The following ZNF532 variants were observed in gnomAD, a reference collection of about 807,000 sequenced individuals.
ZNF532 encodes zinc finger protein 532.
In ZNF532, 22 loss-of-function variants were observed where a neutral mutation model predicts 89.3. The observed-to-expected ratio is 0.25, with a 90% CI of 0.18 to 0.35. The LOEUF (loss-of-function observed/expected upper bound fraction) is 0.35, where lower values mean the gene tolerates loss of function less well. ZNF532 is among the 10% of genes least tolerant of loss of function. ZNF532 has a pLI of 1.00. For missense variants in ZNF532, 1,132 were observed against 1,643.4 expected (o/e 0.69, Z 5.38); for synonymous variants, 606 against 649.6 (o/e 0.93, Z 1.02).
chr18:58,953,823 C>T, intron 7 of ZNF532, 24 bp downstream of exon 7: 1 of 1,602,858 alleles, frequency 6.2e-7, no homozygotes, highest in Non-Finnish European at 8.5e-7. Context: ...GAAAGCTGCT[C>T]TGGGTGAGTG....
intron 7 of ZNF532, among the ~76,000 whole-genome samples, chr18:58,961,193 C>T (rs1440596140): frequency 6.6e-6 from 1 of 152,170 alleles, no homozygotes; most frequent in Non-Finnish European, 1.5e-5. Flanking sequence ...GGATGGAACC[C>T]GATCATTTGC....
In ZNF532 at chr18:58,919,040, C is replaced by G. The variant is rs2060820396; in HGVS notation, c.753C>G (p.Thr251=). The change falls in exon 3 of 10, where the codon ACC becomes ACG. Residue 251 remains threonine, a synonymous_variant. Transcript: ENST00000591808. This position sits in a 1 kb window ranked among gnomAD's most constrained non-coding sequence, Gnocchi z 6.1. ...AGCTGAGCTCCGAGAAGAATGACAC[C>G]AGCCTCCCCAGCGTTGCGCCATCAA... ...DGKLSSEKND[T]SLPSVAPSKT... is the part of the protein sequence containing the mutation. 2 of 1,613,904 alleles carry G rather than the reference C, an allele frequency of 1.2e-6. No individual in the cohort carries two copies. Among genetic ancestry groups the G allele is most frequent in the South Asian group, 2.2e-5 (2 of 91,078 alleles).
Position 58,918,984 on chromosome 18 carries a change from A to G in ZNF532, c.697A>G (p.Lys233Glu). Residue 233 changes from lysine (K) to glutamate (E), a missense_variant, in exon 3 of 10, where the codon AAG (lysine) becomes GAG (glutamate). Physicochemically the swap from Lys to Glu is moderately conservative, Grantham distance 56. Coordinates refer to ENST00000591808, the MANE Select transcript of ZNF532 (RefSeq NM_001375912.1). ...AEDKLKESSD[K>E]VLENRVLDGK... ...GGATAAATTGAAGGAAAGCTCTGAC[A>G]AGGTGCTGGAAAACAGAGTCCTAGA... 4 of 1,613,542 alleles carry G rather than the reference A, an allele frequency of 2.5e-6. No homozygotes were observed. The highest frequency in any genetic ancestry group is 3.4e-6 in the Non-Finnish European group (4 of 1,180,026).
In ZNF532 at chr18:58,889,575, G is replaced by A. The variant is rs56864731; in HGVS notation, c.-18+23996G>A. ...AGCACTTTGGGAGGCTGAGACAGGC[G>A]GATCACTTGATGTCAGGAGTTTGAG... On this transcript the variant is annotated intron_variant, in intron 2 of 9. Transcript: ENST00000591808. Among the ~76,000 whole-genome samples the A allele has an allele frequency of 2.5e-3, 364 of 148,224 alleles. 1 individual carries two copies. The highest frequency in any genetic ancestry group is 8.7e-3 in the African/African-American group (348 of 40,132).
In ZNF532 at chr18:58,964,539, G is replaced by GTGTGTGTGTGTGTT. The variant is rs1312460477; in HGVS notation, c.3150+10753_3150+10754insTTGTGTGTGTGTGT. 2.6e-4 allele frequency among the ~76,000 whole-genome samples: 20 copies of GTGTGTGTGTGTGTT among 78,096 alleles called. No individual in the cohort carries two copies. In the African/African-American group the frequency reaches 3.0e-3, roughly 12 times the overall value. 51.2% of individuals were successfully genotyped at this position (78,096 alleles called of 152,430 possible). On this transcript the variant is annotated intron_variant, in intron 7 of 9. Coordinates refer to ENST00000591808, the MANE Select transcript of ZNF532 (RefSeq NM_001375912.1). ...CCACTGGAATTGATATTTTGTTTGT[G>GTGTGTGTGTGTGTT]TGTGTGTGTGTGTGTGTGTGTGTGT...
intron 2 of ZNF532, among the ~76,000 whole-genome samples, chr18:58,904,347 G>T (rs2059788184): frequency 1.4e-5 from 2 of 145,920 alleles, no homozygotes; most frequent in Non-Finnish European, 3.0e-5. Context: ...GTGAGACCTT[G>T]TCTCAAAAAA....
intron 2 of ZNF532, among the ~76,000 whole-genome samples, chr18:58,884,561 A>G (rs1335216043): frequency 6.6e-6 from 1 of 152,236 alleles, no homozygotes; most frequent in Non-Finnish European, 1.5e-5. Context: ...TATACTCAAA[A>G]CATCACTTCT....
At chr18:58,929,481 C>T (rs575296695) in intron 3 of ZNF532, among the ~76,000 whole-genome samples, 1 of 152,300 alleles carries the variant, frequency 6.6e-6, no homozygotes, top group Non-Finnish European at 1.5e-5. Context: ...CCCAAAATAC[C>T]CTTATTAGCT....
intron 2 of ZNF532, among the ~76,000 whole-genome samples, chr18:58,880,873 G>A (rs2057868042): frequency 1.3e-5 from 2 of 151,162 alleles, no homozygotes; most frequent in Non-Finnish European, 3.0e-5. Flanking sequence ...AAAAGATTAA[G>A]CACATAGTTT....
At chr18:58,903,544 C>T (rs1377547000) in intron 2 of ZNF532, among the ~76,000 whole-genome samples, 3 of 151,314 alleles carry the variant, frequency 2.0e-5, no homozygotes, top group African/African-American at 4.9e-5. Flanking sequence ...AATAGAGGAC[C>T]GACAGCGATT....
At chr18:58,937,831 A>T (rs962349245) in intron 4 of ZNF532, among the ~76,000 whole-genome samples, 1 of 152,182 alleles carries the variant, frequency 6.6e-6, no homozygotes, top group Non-Finnish European at 1.5e-5. Context: ...GTTCAAGACA[A>T]CTCAGTAAGT....
chr18:58,904,078 T>C (rs1391955555), intron 2 of ZNF532, among the ~76,000 whole-genome samples: 3 of 152,186 alleles, frequency 2.0e-5, no homozygotes, highest in Non-Finnish European at 4.4e-5. Flanking sequence ...CAGCTGGCCA[T>C]GGTGGTTCAT....
chr18:58,872,188 C>T (rs984692714), intron 2 of ZNF532, among the ~76,000 whole-genome samples: 1 of 152,072 alleles, frequency 6.6e-6, no homozygotes, highest in Non-Finnish European at 1.5e-5. Context: ...CTTCAGGGGC[C>T]CCAAATGCAG....
chr18:58,896,660 A>G (rs1446184060), intron 2 of ZNF532: 3 of 152,216 alleles, frequency 2.0e-5, no homozygotes, highest in Non-Finnish European at 4.4e-5. Context: ...CTCCCTCTGT[A>G]ACCTATTTGG....
chr18:58,900,163 C>T (rs2059510729), intron 2 of ZNF532, among the ~76,000 whole-genome samples: 2 of 152,182 alleles, frequency 1.3e-5, no homozygotes, highest in African/African-American at 2.4e-5. Flanking sequence ...TGCGCAGCTG[C>T]GGCCTGTCCT....
intron 7 of ZNF532, among the ~76,000 whole-genome samples, chr18:58,975,934 C>G (rs1166825532): frequency 1.3e-5 from 2 of 152,168 alleles, no homozygotes; most frequent in African/African-American, 2.4e-5. Flanking sequence ...AGCAAACGGC[C>G]TAAAGTCTTA....
chr18:58,933,372 G>T (rs928151227), intron 3 of ZNF532, among the ~76,000 whole-genome samples: 5 of 151,898 alleles, frequency 3.3e-5, no homozygotes, highest in Non-Finnish European at 5.9e-5. Flanking sequence ...TAATTTTTGG[G>T]CGTGCTTCAA....
chr18:58,963,635 GTGTGTGTGTGTA>G (rs1257422995), intron 7 of ZNF532, among the ~76,000 whole-genome samples: 2 of 125,052 alleles, frequency 1.6e-5, no homozygotes, highest in Non-Finnish European at 3.7e-5. Context: ...GTGTGTGTGT[GTGTGTGTGTGTA>G]TGTATATAAA....
At chr18:58,932,888 A>ATG (rs1053320232) in intron 3 of ZNF532, among the ~76,000 whole-genome samples, 5 of 152,020 alleles carry the variant, frequency 3.3e-5, no homozygotes, top group African/African-American at 1.2e-4. Context: ...ATGTATATAA[A>ATG]TGTGTGTGTG....
Sources: allele counts gnomAD v4.1 joint callset (sites outside exome capture counted in the v4.1 genomes callset), GRCh38; gene constraint gnomAD v4.1.1; non-coding constraint Gnocchi (gnomAD v3.1); transcripts MANE v1.5; gene names NCBI Gene and HGNC (gene_info 2026-07-23, HGNC 2026-07-21).